RAB31: variants seen among roughly 807,000 people sequenced by gnomAD.
The protein encoded by RAB31 is RAB31, member RAS oncogene family, also known as ras-related protein Rab-31.
RAB31 carries 21 observed loss-of-function variants against 25.6 expected under a neutral mutation model. The ratio of observed to expected loss-of-function variants is 0.82; its 90% CI spans 0.58 to 1.18. RAB31 has a LOEUF of 1.18. Among genes scored for constraint, RAB31 ranks in the 50% most tolerant of loss-of-function variants. The pLI is 0.00. For missense variants in RAB31, 196 were observed against 250.1 expected, an observed-to-expected ratio of 0.78 and a Z score of 1.46; for synonymous variants, 87 against 84.0, an observed-to-expected ratio of 1.04 and a Z score of -0.20.
At chr18:9,822,172 T>A (rs903311946) in intron 5 of RAB31, among the ~76,000 whole-genome samples, 2 of 152,284 alleles carry the variant, frequency 1.3e-5, no homozygotes, top group Middle Eastern at 3.4e-3. Flanking sequence ...ATATGCTCAA[T>A]TGATTTTTTG....
At chr18:9,830,005 A>AAT (rs1256937994) in intron 5 of RAB31, among the ~76,000 whole-genome samples, 4 of 88,980 alleles carry the variant, frequency 4.5e-5, no homozygotes, top group South Asian at 6.3e-4. Flanking sequence ...GCTTTTAAAA[A>AAT]ATATTATTAT....
chr18:9,731,596 C>CTTTTT (rs10685568), intron 1 of RAB31, among the ~76,000 whole-genome samples: 2,179 of 107,500 alleles, frequency 0.02, 146 homozygotes, highest in African/African-American at 0.052. Flanking sequence ...TGGGAATTTG[C>CTTTTT]TTTTTTTTTT....
At position 9,723,881 on chromosome 18, in the gene RAB31, G is replaced by T. The variant is rs1405787189; in HGVS notation, c.39+15437G>T. Reference sequence around the variant, plus strand: ...CCTATAACCCAAACACCTCCCGCGAGGCCCACCTCCCAACGCTATTACACT... The same window carrying T: ...CCTATAACCCAAACACCTCCCGCGATGCCCACCTCCCAACGCTATTACACT... On this transcript the variant is annotated intron_variant, in intron 1 of 6. Coordinates refer to ENST00000578921, the MANE Select transcript of RAB31 (RefSeq NM_006868.4). Among the ~76,000 whole-genome samples the T allele has an allele frequency of 2.6e-5, 4 of 152,184 alleles. No homozygotes were observed. In the East Asian group the frequency reaches 7.7e-4, roughly 29 times the overall value.
chr18:9,746,313 G>A (rs1339457274), intron 1 of RAB31, among the ~76,000 whole-genome samples: 6 of 152,192 alleles, frequency 3.9e-5, no homozygotes, highest in African/African-American at 1.4e-4. Context: ...TGGATTGGAA[G>A]ACTTCTTATG....
At chr18:9,823,028 G>T (rs896566880) in intron 5 of RAB31, among the ~76,000 whole-genome samples, 2 of 152,112 alleles carry the variant, frequency 1.3e-5, no homozygotes, top group African/African-American at 2.4e-5. Context: ...CTTCAGTTAC[G>T]AATGGCTAAA....
At chr18:9,816,460 C>CT (rs1352855100) in intron 5 of RAB31, among the ~76,000 whole-genome samples, 2 of 152,228 alleles carry the variant, frequency 1.3e-5, no homozygotes, top group African/African-American at 4.8e-5. Context: ...TTTACTAACA[C>CT]TTTCCTATGG....
intron 1 of RAB31, among the ~76,000 whole-genome samples, chr18:9,772,759 T>C (rs2068351631): frequency 6.6e-6 from 1 of 152,154 alleles, no homozygotes. Context: ...TGCTGCCTGC[T>C]GTAAGGGGCA....
At chr18:9,794,911 C>CA (rs1399202072) in intron 3 of RAB31, among the ~76,000 whole-genome samples, 1 of 151,950 alleles carries the variant, frequency 6.6e-6, no homozygotes, top group Non-Finnish European at 1.5e-5. Flanking sequence ...CATATGGAAC[C>CA]AAAAAAGAGC....
rs3786424 is a variant in RAB31, at chr18:9,825,626, G to A, written c.380+10404G>A. Among the ~76,000 whole-genome samples the A allele has an allele frequency of 7.6e-3, 1,159 of 152,234 alleles. 34 individuals are homozygous for A. The East Asian group carries it at 0.11, about 14-fold the overall frequency. On this transcript the variant is annotated intron_variant, in intron 5 of 6. Transcript: ENST00000578921. ...TACAAGTGGTCCAAGGGTCATTCTCGGAAAAGCATTGCTTTCGTCAGTAGG... is the reference window on the plus strand; with the variant it reads ...TACAAGTGGTCCAAGGGTCATTCTCAGAAAAGCATTGCTTTCGTCAGTAGG...
At chr18:9,751,847 G>C (rs1249650247) in intron 1 of RAB31, among the ~76,000 whole-genome samples, 1 of 152,208 alleles carries the variant, frequency 6.6e-6, no homozygotes, top group Non-Finnish European at 1.5e-5. Flanking sequence ...GATGCCTGCT[G>C]TCCAGCCATG....
intron 6 of RAB31, among the ~76,000 whole-genome samples, chr18:9,857,488 G>A (rs2143156637): frequency 6.6e-6 from 1 of 151,756 alleles, no homozygotes; most frequent in East Asian, 1.9e-4. Flanking sequence ...TGTTTTCTAA[G>A]CAAATGCCCA....
intron 1 of RAB31, among the ~76,000 whole-genome samples, chr18:9,763,215 G>A (rs1026842946): frequency 2.6e-5 from 4 of 152,058 alleles, no homozygotes; most frequent in African/African-American, 9.7e-5. Context: ...TGGACGAGTT[G>A]CTTTAATTTC....
chr18:9,749,946 C>T (rs2068226006), intron 1 of RAB31, among the ~76,000 whole-genome samples: 2 of 152,140 alleles, frequency 1.3e-5, no homozygotes, highest in African/African-American at 4.8e-5. Context: ...GAGCTCGTGA[C>T]CTCCGTCCAG....
chr18:9,736,433 G>C (rs1213075619), intron 1 of RAB31, among the ~76,000 whole-genome samples: 1 of 152,156 alleles, frequency 6.6e-6, no homozygotes, highest in Non-Finnish European at 1.5e-5. Context: ...CAGGGTACTG[G>C]ATGCTGGAGT....
At chr18:9,721,346 C>T (rs935451122) in intron 1 of RAB31, among the ~76,000 whole-genome samples, 4 of 152,116 alleles carry the variant, frequency 2.6e-5, no homozygotes, top group African/African-American at 9.7e-5. Flanking sequence ...GACAGTGGCT[C>T]ATGCCTGTAG....
At chr18:9,800,830 T>A (rs2068510628) in intron 3 of RAB31, among the ~76,000 whole-genome samples, 1 of 152,230 alleles carries the variant, frequency 6.6e-6, no homozygotes, top group South Asian at 2.1e-4. Flanking sequence ...CCGATTCACG[T>A]ACCATACAAT....
At chr18:9,774,344 G>A (rs1451150928) in intron 1 of RAB31, among the ~76,000 whole-genome samples, 2 of 152,136 alleles carry the variant, frequency 1.3e-5, no homozygotes, top group East Asian at 3.9e-4. Flanking sequence ...GGAGAGTAAA[G>A]CTCTGACCCT....
At chr18:9,792,833 A>T (rs181028361) in intron 3 of RAB31, among the ~76,000 whole-genome samples, 2,833 of 152,312 alleles carry the variant, frequency 0.019, 41 homozygotes, top group African/African-American at 0.033. Flanking sequence ...ATGTTGGTTC[A>T]GGAAGTCAGG....
chr18:9,760,942 A>G (rs1197242385), intron 1 of RAB31, among the ~76,000 whole-genome samples: 2 of 152,166 alleles, frequency 1.3e-5, no homozygotes, highest in Non-Finnish European at 2.9e-5. Context: ...ATGGCTACTC[A>G]AAGCAACTCT....
Sources: allele counts gnomAD v4.1 joint callset (sites outside exome capture counted in the v4.1 genomes callset), GRCh38; gene constraint gnomAD v4.1.1; transcripts MANE v1.5; gene names NCBI Gene and HGNC (gene_info 2026-07-23, HGNC 2026-07-21).